GPR137C: variants seen among roughly 807,000 people sequenced by gnomAD.
The protein encoded by GPR137C is integral membrane protein GPR137C.
Under a neutral mutation model 43.4 loss-of-function variants are expected in GPR137C, and 27 were observed. The ratio of observed to expected loss-of-function variants is 0.62; its 90% CI spans 0.46 to 0.86. The LOEUF (loss-of-function observed/expected upper bound fraction) is 0.86, where lower values mean the gene tolerates loss of function less well. GPR137C is among the 40% of genes least tolerant of loss of function. GPR137C has a pLI of 0.00. For synonymous variants in GPR137C, 285 were observed against 226.9 expected (o/e 1.26, Z -2.30); for missense variants, 522 against 534.6 (o/e 0.98, Z 0.23).
At chr14:52,576,718 C>A (rs1318197668) in intron 1 of GPR137C, among the ~76,000 whole-genome samples, 1 of 152,096 alleles carries the variant, frequency 6.6e-6, no homozygotes, top group East Asian at 1.9e-4. Context: ...AACATTCTAC[C>A]CTACAACCAC....
intron 1 of GPR137C, among the ~76,000 whole-genome samples, chr14:52,581,711 C>A (rs1381204587): frequency 6.6e-6 from 1 of 152,136 alleles, no homozygotes; most frequent in Non-Finnish European, 1.5e-5. Flanking sequence ...ATAACTGCTT[C>A]TGTGAAAATC....
At chr14:52,609,903 C>T (rs2039020353) in intron 3 of GPR137C, among the ~76,000 whole-genome samples, 1 of 152,136 alleles carries the variant, frequency 6.6e-6, no homozygotes, top group Non-Finnish European at 1.5e-5. Flanking sequence ...TTTTGTGATT[C>T]CCCTACCACT....
At chr14:52,611,931 T>G in intron 3 of GPR137C, 1 of 984,592 alleles carries the variant, frequency 1.0e-6, no homozygotes, top group Non-Finnish European at 1.2e-6. Flanking sequence ...TCATCATATT[T>G]TGACATAGTT....
chr14:52,562,407 G>T (rs897120940), intron 1 of GPR137C, among the ~76,000 whole-genome samples: 4 of 152,060 alleles, frequency 2.6e-5, no homozygotes, highest in African/African-American at 4.8e-5. Context: ...TTAAATAACT[G>T]GGATTTCATA....
chr14:52,604,427 G>C (rs1014456899), intron 3 of GPR137C, among the ~76,000 whole-genome samples: 1 of 150,648 alleles, frequency 6.6e-6, no homozygotes, highest in Non-Finnish European at 1.5e-5. Context: ...CATTTTTGTA[G>C]ATGGTGAGAG....
intron 1 of GPR137C, among the ~76,000 whole-genome samples, chr14:52,596,130 C>T (rs1054186576): frequency 6.6e-6 from 1 of 152,186 alleles, no homozygotes. Flanking sequence ...AACCTATTTG[C>T]CTGGGTATCA....
chr14:52,618,872 A>G (rs2039128899), intron 3 of GPR137C, among the ~76,000 whole-genome samples: 1 of 152,146 alleles, frequency 6.6e-6, no homozygotes, highest in Non-Finnish European at 1.5e-5. Flanking sequence ...AAGACCAATC[A>G]AAGAATGGGT....
At chr14:52,587,306 C>T (rs1344361953) in intron 1 of GPR137C, among the ~76,000 whole-genome samples, 1 of 152,178 alleles carries the variant, frequency 6.6e-6, no homozygotes, top group Non-Finnish European at 1.5e-5. Flanking sequence ...AGTTTTCTCT[C>T]TCCCTGAGAC....
At chr14:52,560,748 A>G (rs549059557) in intron 1 of GPR137C, among the ~76,000 whole-genome samples, 39 of 152,356 alleles carry the variant, frequency 2.6e-4, no homozygotes, top group African/African-American at 9.4e-4. Context: ...CATAGAATGT[A>G]CTTGACATAG....
chr14:52,567,130 T>C (rs2038383503), intron 1 of GPR137C, among the ~76,000 whole-genome samples: 1 of 151,738 alleles, frequency 6.6e-6, no homozygotes, highest in Admixed American at 6.6e-5. Context: ...AGAAAAGAAC[T>C]CTGGATATGG....
At chr14:52,556,993 A>G (rs2038204980) in intron 1 of GPR137C, among the ~76,000 whole-genome samples, 1 of 152,154 alleles carries the variant, frequency 6.6e-6, no homozygotes, top group African/African-American at 2.4e-5. Context: ...TAACTCTTAC[A>G]TTTATGGATG....
chr14:52,574,142 A>G (rs938825979), intron 1 of GPR137C, among the ~76,000 whole-genome samples: 6 of 148,506 alleles, frequency 4.0e-5, no homozygotes, highest in Non-Finnish European at 6.0e-5. Context: ...TAGTTCAACC[A>G]TTGTGGAAGA....
chr14:52,553,370 C>T lies in GPR137C; in HGVS notation c.223C>T (p.Arg75Cys), dbSNP rs776812932. The change falls in exon 1 of 7, where the codon CGC becomes TGC. Residue 75 changes from arginine to cysteine, a missense_variant. Transcript: ENST00000321662. ...GCAGCTGTGGCGGCTGCTCCTGTAC[C>T]GCGAGCGGCGGCTGAGTTACCAGAG... The part of the protein sequence containing the change: ...YLQLWRLLLY[R>C]ERRLSYQSLC... 5 of 1,604,324 alleles carry T rather than the reference C, an allele frequency of 3.1e-6. No homozygotes were observed. Among genetic ancestry groups the T allele is most frequent in the African/African-American group, 1.3e-5 (1 of 74,902 alleles).
At chr14:52,554,670 G>A (rs2038165404) in intron 1 of GPR137C, among the ~76,000 whole-genome samples, 1 of 151,400 alleles carries the variant, frequency 6.6e-6, no homozygotes, top group Non-Finnish European at 1.5e-5. Context: ...CCTCTCAAAG[G>A]CTTTTTTGGA....
chr14:52,619,170 A>T (rs140312503), intron 3 of GPR137C, among the ~76,000 whole-genome samples: 1 of 152,294 alleles, frequency 6.6e-6, no homozygotes, highest in Non-Finnish European at 1.5e-5. Context: ...GTAACATTCA[A>T]TCAAATATTT....
rs147082847 is a variant in GPR137C, at chr14:52,636,153, T to A, written c.*1038T>A. 2 of 152,176 alleles carry A rather than the reference T, an allele frequency of 1.3e-5. No homozygotes were observed. Among genetic ancestry groups the A allele is most frequent in the African/African-American group, 4.8e-5 (2 of 41,540 alleles). 9.4% of individuals were successfully genotyped at this position (152,176 alleles called of 1,614,324 possible). ...CCTATGATTTTCACATTTTTATATCTTATATATGGGAAAAGCCAAATTAAA... is the reference window on the plus strand; with the variant it reads ...CCTATGATTTTCACATTTTTATATCATATATATGGGAAAAGCCAAATTAAA... On this transcript the variant is annotated 3_prime_UTR_variant, in exon 7 of 7. Transcript: ENST00000321662.
intron 1 of GPR137C, 76 bp downstream of exon 1, chr14:52,553,667 G>C: frequency 4.1e-6 from 3 of 729,708 alleles, no homozygotes; most frequent in Non-Finnish European, 6.5e-6. Flanking sequence ...CTGAGGACCA[G>C]CGGGGGCGGG....
At chr14:52,569,359 T>G in intron 1 of GPR137C, among the ~76,000 whole-genome samples, 1 of 148,510 alleles carries the variant, frequency 6.7e-6, no homozygotes, top group African/African-American at 2.5e-5. Flanking sequence ...AGGCTGAAAA[T>G]TCCAAAAAAA....
At chr14:52,555,965 C>G (rs564616543) in intron 1 of GPR137C, among the ~76,000 whole-genome samples, 6 of 152,198 alleles carry the variant, frequency 3.9e-5, no homozygotes, top group African/African-American at 1.4e-4. Context: ...TATGTCAGTT[C>G]CAGATAACTG....
Sources: allele counts gnomAD v4.1 joint callset (sites outside exome capture counted in the v4.1 genomes callset), GRCh38; gene constraint gnomAD v4.1.1; transcripts MANE v1.5; gene names NCBI Gene and HGNC (gene_info 2026-07-23, HGNC 2026-07-21).